The following PHF2 variants were observed in gnomAD, a reference collection of about 807,000 sequenced individuals.
PHF2 encodes the protein lysine-specific demethylase PHF2.
In PHF2, 27 loss-of-function variants were observed where a neutral mutation model predicts 120.5. That is an observed-to-expected ratio of 0.22 (90% CI 0.17 to 0.31). PHF2 has a LOEUF of 0.31. Ranked by LOEUF, PHF2 falls within the 10% of genes least tolerant of loss-of-function variation. The probability of loss-of-function intolerance (pLI) is 1.00; values close to 1 mark genes in which losing one functional copy is unlikely to be tolerated. For synonymous variants in PHF2, 568 were observed against 592.5 expected (o/e 0.96, Z 0.60); for missense variants, 1,024 against 1,434.8 (o/e 0.71, Z 4.63).
chr9:93,596,748 T>A (rs1179183835), intron 1 of PHF2, among the ~76,000 whole-genome samples: 4 of 1,728 alleles, frequency 2.3e-3, no homozygotes, highest in Admixed American at 7.5e-3. Flanking sequence ...GTTTCTGCCG[T>A]TTTTTTTTTT....
chr9:93,618,754 CTGTG>C (rs1318093161), intron 1 of PHF2, among the ~76,000 whole-genome samples: 1 of 149,242 alleles, frequency 6.7e-6, no homozygotes, highest in African/African-American at 2.5e-5. Flanking sequence ...GTGTGTATGC[CTGTG>C]TTTGTGTGTC....
chr9:93,617,227 G>A (rs993782067), intron 1 of PHF2, among the ~76,000 whole-genome samples: 5 of 152,194 alleles, frequency 3.3e-5, no homozygotes, highest in Non-Finnish European at 5.9e-5. Context: ...CCTCATAGGA[G>A]GCTGCACCCT....
At chr9:93,579,848 A>T (rs1290344306) in intron 1 of PHF2, among the ~76,000 whole-genome samples, 1 of 152,082 alleles carries the variant, frequency 6.6e-6, no homozygotes, top group Non-Finnish European at 1.5e-5. Context: ...CTTGTTTGGG[A>T]TAGAGCTTTG....
chr9:93,672,516 G>A (rs915752481), intron 17 of PHF2: 32 of 984,880 alleles, frequency 3.2e-5, no homozygotes, highest in Middle Eastern at 1.0e-3. Flanking sequence ...ATGGGTGTAG[G>A]TACAGGTGCA....
chr9:93,591,286 T>C (rs1475063679), intron 1 of PHF2, among the ~76,000 whole-genome samples: 1 of 152,240 alleles, frequency 6.6e-6, no homozygotes, highest in Non-Finnish European at 1.5e-5. Context: ...ATTATTTTAT[T>C]AGATTTTAAA....
chr9:93,598,437 C>CG (rs1825373493), intron 1 of PHF2, among the ~76,000 whole-genome samples: 2 of 152,120 alleles, frequency 1.3e-5, no homozygotes, highest in African/African-American at 4.8e-5. Flanking sequence ...CATGGGGCCC[C>CG]GGGGGGCTGG....
chr9:93,636,549 C>G (rs10992818), intron 3 of PHF2, 24 bp downstream of exon 3: 239,654 of 1,476,454 alleles, frequency 0.16, 20,352 homozygotes, highest in Non-Finnish European at 0.18. Context: ...CCTGTATGCT[C>G]CACCACCTGC....
chr9:93,659,632 C>G (rs1826523468), intron 11 of PHF2, 32 bp downstream of exon 11: 1 of 1,595,654 alleles, frequency 6.3e-7, no homozygotes, highest in Non-Finnish European at 8.6e-7. Flanking sequence ...GGGCTGGACC[C>G]CTGGGGATTG....
chr9:93,579,770 T>C (rs1862899191), intron 1 of PHF2, among the ~76,000 whole-genome samples: 2 of 152,232 alleles, frequency 1.3e-5, no homozygotes, highest in African/African-American at 4.8e-5. Flanking sequence ...AGAGAGGGTC[T>C]CTAAGTCATC....
chr9:93,661,518 A>C (rs1247392891), intron 12 of PHF2, among the ~76,000 whole-genome samples: 1 of 152,116 alleles, frequency 6.6e-6, no homozygotes, highest in African/African-American at 2.4e-5. Context: ...TGGATTAACG[A>C]ATGGATGAAT....
chr9:93,597,150 C>G lies in PHF2; in HGVS notation c.98+20279C>G, dbSNP rs949255647. ...TTCACCGTGTTAGCCAGGATGGTCT[C>G]GATCTCTTGCCCTCATGGTCCGCCT... On this transcript the variant is annotated intron_variant, in intron 1 of 21. Transcript: ENST00000359246. Among the ~76,000 whole-genome samples the G allele has an allele frequency of 1.3e-5, 2 of 152,000 alleles. 1 individual carries two copies. Among genetic ancestry groups the G allele is most frequent in the South Asian group, 4.2e-4 (2 of 4,808 alleles).
At chr9:93,613,720 G>A (rs995005729) in intron 1 of PHF2, among the ~76,000 whole-genome samples, 7 of 152,162 alleles carry the variant, frequency 4.6e-5, no homozygotes, top group African/African-American at 1.7e-4. Context: ...TTACAGGCAT[G>A]TGCTACCATG....
intron 6 of PHF2, 104 bp downstream of exon 6, chr9:93,653,469 C>T: frequency 8.4e-7 from 1 of 1,185,902 alleles, no homozygotes; most frequent in Non-Finnish European, 1.2e-6. Flanking sequence ...ATGCGACTCC[C>T]CAGAGGGCCC....
chr9:93,593,706 C>T (rs982196125), intron 1 of PHF2, among the ~76,000 whole-genome samples: 1 of 152,290 alleles, frequency 6.6e-6, no homozygotes, highest in Non-Finnish European at 1.5e-5. Context: ...TCTTGTAAAT[C>T]GGAAATTATG....
At chr9:93,585,700 C>A (rs1369487047) in intron 1 of PHF2, among the ~76,000 whole-genome samples, 1 of 152,354 alleles carries the variant, frequency 6.6e-6, no homozygotes, top group African/African-American at 2.4e-5. Context: ...AGGCATTGAA[C>A]CCTGACCCCA....
intron 5 of PHF2, among the ~76,000 whole-genome samples, chr9:93,650,294 CACA>C (rs1162934649): frequency 1.2e-4 from 18 of 152,204 alleles, no homozygotes; most frequent in Middle Eastern, 3.4e-3. Context: ...CACACTCAAA[CACA>C]ACAATAGACT....
In PHF2 at chr9:93,673,873, C is replaced by T; in HGVS notation, c.2626+11C>T. 6.4e-7 allele frequency: 1 copy of T among 1,573,908 alleles called. No homozygotes were observed. The highest frequency in any genetic ancestry group is 1.2e-5 in the South Asian group (1 of 85,248). On this transcript the variant is annotated intron_variant, in intron 18 of 21. Coordinates refer to ENST00000359246, the MANE Select transcript of PHF2 (RefSeq NM_005392.4). ...AGGACTCAGACTACGGTGAGTGTCA[C>T]TCCTGCGTGGGGCAGGGCCCATGCT...
chr9:93,643,680 GCTCCA>G (rs1170886938), intron 3 of PHF2, among the ~76,000 whole-genome samples: 1 of 152,076 alleles, frequency 6.6e-6, no homozygotes, highest in African/African-American at 2.4e-5. Flanking sequence ...TGGGGACTCA[GCTCCA>G]CAACTTCTTT....
chr9:93,658,926 C>G (rs74842678), intron 10 of PHF2, among the ~76,000 whole-genome samples: 9,367 of 152,272 alleles, frequency 0.062, 402 homozygotes, highest in Non-Finnish European at 0.089. Flanking sequence ...GGCCCAGCCT[C>G]GAGCACCCTC....
Sources: gnomAD v4.1 joint callset for allele counts (sites outside exome capture counted in the v4.1 genomes callset) on GRCh38, gnomAD v4.1.1 for gene constraint, MANE v1.5 for transcripts, NCBI Gene and HGNC (gene_info 2026-07-23, HGNC 2026-07-21) for gene names.